Variants in PABIR1 observed in about 807,000 individuals in gnomAD.
The protein encoded by PABIR1 is PP2A Aalpha (PPP2R1A) and B55A (PPP2R2A) interacting phosphatase regulator 1.
In PABIR1, 2 loss-of-function variants were observed where a neutral mutation model predicts 14.6. The ratio of observed to expected loss-of-function variants is 0.14; its 90% confidence interval spans 0.06 to 0.43. The LOEUF is 0.43. Among genes scored for constraint, PABIR1 ranks in the 20% least tolerant of loss-of-function variants. The probability of loss-of-function intolerance (pLI) is 0.99; values close to 1 mark genes in which losing one functional copy is unlikely to be tolerated. For synonymous variants in PABIR1, 163 were observed against 155.4 expected (o/e 1.05, Z -0.36); for missense variants, 294 against 379.0 (o/e 0.78, Z 1.86).
In PABIR1 at chr9:68,780,147, C is replaced by G; in HGVS notation, c.-18C>G. The G allele has an allele frequency of 2.0e-6, 3 of 1,509,032 alleles. No individual in the cohort carries two copies. Among genetic ancestry groups the G allele is most frequent in the Non-Finnish European group, 2.6e-6 (3 of 1,132,700 alleles). The allele number at this position is 1,509,032 out of a possible 1,614,324, so 93.5% of individuals were successfully genotyped here. On this transcript the variant is annotated 5_prime_UTR_variant, in exon 1 of 1. Transcript: ENST00000394264. Reference sequence around the variant, plus strand: ...TAGGTCCCTGACTGAGCACCTCCCCCGCCTCCCTGCCCCCGACATGGCTCA... The same window carrying G: ...TAGGTCCCTGACTGAGCACCTCCCCGGCCTCCCTGCCCCCGACATGGCTCA...
rs1335855879 is a variant in PABIR1, at chr9:68,780,844, C to T, written c.680C>T (p.Ser227Phe). 1 of 1,614,242 alleles carries T rather than the reference C, an allele frequency of 6.2e-7. No individual in the cohort carries two copies. The highest frequency in any genetic ancestry group is 2.2e-5 in the East Asian group (1 of 44,894). The change falls in exon 1 of 1, where the codon TCT (serine) becomes TTT (phenylalanine). Residue 227 changes from serine (S) to phenylalanine (F), a missense_variant. By Grantham distance (155) the Ser-to-Phe change is radical. This residue lies in a region of PABIR1 where 95 missense variants were observed against 100.8 expected (regional missense o/e 0.94). Transcript: ENST00000394264. ...FFQGITNMLS[S>F]DVAQLSDPGV... ...CAGGGCATCACCAACATGCTTTCTT[C>T]TGACGTTGCACAGCTGTCAGATCCT...
chr9:68,781,562 T>G lies in PABIR1; in HGVS notation c.*534T>G. 1 of 167,178 alleles carries G rather than the reference T, an allele frequency of 6.0e-6. No individual in the cohort carries two copies. The allele number at this position is 167,178 out of a possible 1,614,324, so 10.4% of individuals were successfully genotyped here. The stretch of plus-strand genomic sequence containing the variant: ...CCCAGGAATTCTTGGATATTTAGTT[T>G]TCTGGGTACTGAAGTGGATGGGAGG... On this transcript the variant is annotated 3_prime_UTR_variant, in exon 1 of 1. Transcript: ENST00000394264.
At position 68,782,376 on chromosome 9, in the gene PABIR1, C is replaced by T. The variant is rs1831340151; in HGVS notation, c.*1348C>T. On this transcript the variant is annotated 3_prime_UTR_variant, in exon 1 of 1. Coordinates refer to ENST00000394264, the MANE Select transcript of PABIR1 (RefSeq NM_138333.5). Reference sequence around the variant, plus strand: ...AATAGTCGAATGTTCTTTTCTTTACCTTTACAATTAAGACAAAATGTTTAA... The same window carrying T: ...AATAGTCGAATGTTCTTTTCTTTACTTTTACAATTAAGACAAAATGTTTAA... 6.0e-6 allele frequency: 1 copy of T among 166,926 alleles called. No individual in the cohort carries two copies. The highest frequency in any genetic ancestry group is 1.5e-5 in the Non-Finnish European group (1 of 68,098). 10.3% of individuals were successfully genotyped at this position (166,926 alleles called of 1,614,324 possible). A position where few individuals can be genotyped will look rare whatever the true frequency, so the allele number is the denominator to read the frequency against.
At position 68,780,737 on chromosome 9, in the gene PABIR1, C is replaced by T. The variant is rs1485824220; in HGVS notation, c.573C>T (p.Ile191=). 1 of 1,614,224 alleles carries T rather than the reference C, an allele frequency of 6.2e-7. No homozygotes were observed. Among genetic ancestry groups the T allele is most frequent in the Non-Finnish European group, 8.5e-7 (1 of 1,180,044 alleles). ...CCACCCGGAGAAGCCAGAGCCCCAT[C>T]AATTGCATTAGACCAAGTGTTCTTG... ...RFTTRRSQSP[I]NCIRPSVLGP... The change falls in exon 1 of 1, where the codon ATC becomes ATT. Residue 191 remains isoleucine, a synonymous_variant. Coordinates refer to ENST00000394264, the MANE Select transcript of PABIR1 (RefSeq NM_138333.5).
chr9:68,780,078 C>T lies in PABIR1; in HGVS notation c.-87C>T, dbSNP rs910543563. On this transcript the variant is annotated 5_prime_UTR_variant, in exon 1 of 1. Transcript: ENST00000394264. The stretch of plus-strand genomic sequence containing the variant: ...CAGCCCGCTGACAGATTCTCGGTGG[C>T]GGCGGCAGCGGCGGCGGCCCTGGAC... The T allele has an allele frequency of 9.8e-5, 135 of 1,372,766 alleles. No homozygotes were observed. The highest frequency in any genetic ancestry group is 4.1e-4 in the South Asian group (22 of 53,448). 85.0% of individuals were successfully genotyped at this position (1,372,766 alleles called of 1,614,324 possible). A position where few individuals can be genotyped will look rare whatever the true frequency, so the allele number is the denominator to read the frequency against.
rs1212236192 is a variant in PABIR1, at chr9:68,780,355, C to T, written c.191C>T (p.Thr64Met). Reference protein sequence around the residue: ...EAPSARRNSTTFPSRHGLLLP... With the variant: ...EAPSARRNSTMFPSRHGLLLP... Reference sequence around the variant, plus strand: ...CCGAGCGCCAGGCGGAACAGCACAACGTTCCCGAGCCGCCACGGCCTGCTG... The same window carrying T: ...CCGAGCGCCAGGCGGAACAGCACAATGTTCCCGAGCCGCCACGGCCTGCTG... Residue 64 changes from threonine (T) to methionine (M), a missense_variant, in exon 1 of 1, where the codon ACG (threonine) becomes ATG (methionine). Thr to Met is a moderately conservative substitution (Grantham distance 81). Transcript: ENST00000394264. 7 of 1,611,856 alleles carry T rather than the reference C, an allele frequency of 4.3e-6. No homozygotes were observed. In the Admixed American group the frequency reaches 5.0e-5, roughly 12 times the overall value.
rs1475209075 is a variant in PABIR1 at position 68,781,170 on chromosome 9, T to C, written c.*142T>C. 2.7e-6 allele frequency: 3 copies of C among 1,125,574 alleles called. No homozygotes were observed. The highest frequency in any genetic ancestry group is 3.8e-6 in the Non-Finnish European group (3 of 787,144). The allele number at this position is 1,125,574 out of a possible 1,614,324, so 69.7% of individuals were successfully genotyped here. On this transcript the variant is annotated 3_prime_UTR_variant, in exon 1 of 1. Coordinates refer to ENST00000394264, the MANE Select transcript of PABIR1 (RefSeq NM_138333.5). ...TTGAAATTCCCTGAAATGATGTTAT[T>C]CTAGAGAACTTCTATGTCAGGTTCC...
chr9:68,780,888 G>A lies in PABIR1; in HGVS notation c.724G>A (p.Asp242Asn), dbSNP rs772104723. The A allele has an allele frequency of 6.2e-7, 1 of 1,614,180 alleles. No homozygotes were observed. The highest frequency in any genetic ancestry group is 8.5e-7 in the Non-Finnish European group (1 of 1,180,036). The change falls in exon 1 of 1, where the codon GAT (aspartate) becomes AAT (asparagine). Residue 242 changes from aspartate (D) to asparagine (N), a missense_variant. Around this residue, in one of 3 missense-constraint regions of PABIR1, gnomAD observed 95 missense variants for 100.8 expected, o/e 0.94. Coordinates refer to ENST00000394264, the MANE Select transcript of PABIR1 (RefSeq NM_138333.5). ...LSDPGVCVSSDTLDGNSSSAG... is the reference protein window; with the variant it reads ...LSDPGVCVSSNTLDGNSSSAG... ...AGATCCTGGTGTGTGTGTATCTTCGGATACCCTTGATGGAAACAGCAGCAG... is the reference window on the plus strand; with the variant it reads ...AGATCCTGGTGTGTGTGTATCTTCGAATACCCTTGATGGAAACAGCAGCAG...
At position 68,782,983 on chromosome 9, in the gene PABIR1, A is replaced by G. The variant is rs1289302032; in HGVS notation, c.*1955A>G. The G allele has an allele frequency of 6.0e-6, 1 of 166,850 alleles. No homozygotes were observed. The highest frequency in any genetic ancestry group is 1.5e-5 in the Non-Finnish European group (1 of 68,076). 10.3% of individuals were successfully genotyped at this position (166,850 alleles called of 1,614,324 possible). On this transcript the variant is annotated 3_prime_UTR_variant, in exon 1 of 1. Coordinates refer to ENST00000394264, the MANE Select transcript of PABIR1 (RefSeq NM_138333.5). Reference sequence around the variant, plus strand: ...CTGTCAACTTCTGAAATGAATCTCAAATTTCTTCCCTTCTCTATCTGTTGC... The same window carrying G: ...CTGTCAACTTCTGAAATGAATCTCAGATTTCTTCCCTTCTCTATCTGTTGC...
At position 68,780,372 on chromosome 9, in the gene PABIR1, G is replaced by A. The variant is rs758271798; in HGVS notation, c.208G>A (p.Gly70Ser). The A allele has an allele frequency of 6.2e-7, 1 of 1,613,224 alleles. No individual in the cohort carries two copies. The highest frequency in any genetic ancestry group is 8.5e-7 in the Non-Finnish European group (1 of 1,179,826). ...CAGCACAACGTTCCCGAGCCGCCAC[G>A]GCCTGCTGCTGCCGGCCTCCCCTGT... ...RNSTTFPSRHGLLLPASPVRM... is the reference protein window; with the variant it reads ...RNSTTFPSRHSLLLPASPVRM... The change falls in exon 1 of 1, where the codon GGC (glycine) becomes AGC (serine). Residue 70 changes from glycine to serine, a missense_variant. Coordinates refer to ENST00000394264, the MANE Select transcript of PABIR1 (RefSeq NM_138333.5).
Position 68,781,057 on chromosome 9 carries a change from A to C in PABIR1, c.*29A>C. 1 of 1,588,152 alleles carries C rather than the reference A, an allele frequency of 6.3e-7. No homozygotes were observed. The highest frequency in any genetic ancestry group is 8.6e-7 in the Non-Finnish European group (1 of 1,165,550). On this transcript the variant is annotated 3_prime_UTR_variant, in exon 1 of 1. Transcript: ENST00000394264. ...ACTCATCCTGAGACTTTCTTTTTGC[A>C]GTGGAGAGAGAGAATAATCTAGTTG...
chr9:68,780,792 A>G lies in PABIR1; in HGVS notation c.628A>G (p.Thr210Ala). ...ATTGAAAAGAAAATGTGAAATGGAA[A>G]CTGAATATCAGCCAAAGAGATTTTT... ...GPLKRKCEME[T>A]EYQPKRFFQG... The change falls in exon 1 of 1, where the codon ACT becomes GCT. Residue 210 changes from threonine to alanine, a missense_variant. Around this residue, in one of 3 missense-constraint regions of PABIR1, gnomAD observed 95 missense variants for 100.8 expected, o/e 0.94. Transcript: ENST00000394264. The G allele has an allele frequency of 1.2e-6, 2 of 1,614,248 alleles. No individual in the cohort carries two copies. The highest frequency in any genetic ancestry group is 1.7e-5 in the Admixed American group (1 of 60,032).
rs1417786750 is a variant in PABIR1, at chr9:68,780,352, C to A, written c.188C>A (p.Thr63Lys). 1 of 1,611,860 alleles carries A rather than the reference C, an allele frequency of 6.2e-7. No homozygotes were observed. ...AEAPSARRNS[T>K]TFPSRHGLLL... ...GCGCCGAGCGCCAGGCGGAACAGCACAACGTTCCCGAGCCGCCACGGCCTG... is the reference window on the plus strand; with the variant it reads ...GCGCCGAGCGCCAGGCGGAACAGCAAAACGTTCCCGAGCCGCCACGGCCTG... Residue 63 changes from threonine (T) to lysine (K), a missense_variant, in exon 1 of 1, where the codon ACA becomes AAA. Transcript: ENST00000394264.
chr9:68,783,609 A>G lies in PABIR1; in HGVS notation c.*2581A>G, dbSNP rs1027417323. ...TATAAATGCAGGAAACCAACATGTC[A>G]TTGACACCTCTCTTCTTTACTTTTC... On this transcript the variant is annotated 3_prime_UTR_variant, in exon 1 of 1. Coordinates refer to ENST00000394264, the MANE Select transcript of PABIR1 (RefSeq NM_138333.5). The G allele has an allele frequency of 6.0e-6, 1 of 166,964 alleles. No homozygotes were observed. The highest frequency in any genetic ancestry group is 1.5e-5 in the Non-Finnish European group (1 of 68,132). The allele number at this position is 166,964 out of a possible 1,614,324, so 10.3% of individuals were successfully genotyped here. A position where few individuals can be genotyped will look rare whatever the true frequency, so the allele number is the denominator to read the frequency against.
At position 68,780,678 on chromosome 9, in the gene PABIR1, C is replaced by G; in HGVS notation, c.514C>G (p.Pro172Ala). Reference sequence around the variant, plus strand: ...TTTTGTAAGTAGCAACGGATTGCCTCCAAGCCCTATTCCCAGCCCAACGAC... The same window carrying G: ...TTTTGTAAGTAGCAACGGATTGCCTGCAAGCCCTATTCCCAGCCCAACGAC... ...QSFVSSNGLP[P>A]SPIPSPTTRF... Residue 172 changes from proline (P) to alanine (A), a missense_variant, in exon 1 of 1, where the codon CCA (proline) becomes GCA (alanine). This residue lies in a region of PABIR1 where 103 missense variants were observed against 175.9 expected (regional missense o/e 0.59). Transcript: ENST00000394264. 6.2e-7 allele frequency: 1 copy of G among 1,614,212 alleles called. No homozygotes were observed. Among genetic ancestry groups the G allele is most frequent in the Non-Finnish European group, 8.5e-7 (1 of 1,180,040 alleles).
At position 68,780,872 on chromosome 9, in the gene PABIR1, T is replaced by C. The variant is rs1831226133; in HGVS notation, c.708T>C (p.Gly236=). ...SSDVAQLSDP[G]VCVSSDTLDG... ...ACGTTGCACAGCTGTCAGATCCTGGTGTGTGTGTATCTTCGGATACCCTTG... is the reference window on the plus strand; with the variant it reads ...ACGTTGCACAGCTGTCAGATCCTGGCGTGTGTGTATCTTCGGATACCCTTG... The change falls in exon 1 of 1, where the codon GGT becomes GGC. Residue 236 remains glycine (G), a synonymous_variant. Coordinates refer to ENST00000394264, the MANE Select transcript of PABIR1 (RefSeq NM_138333.5). 2 of 1,614,098 alleles carry C rather than the reference T, an allele frequency of 1.2e-6. No individual in the cohort carries two copies. Among genetic ancestry groups the C allele is most frequent in the Non-Finnish European group, 1.7e-6 (2 of 1,180,040 alleles).
chr9:68,780,512 C>T lies in PABIR1; in HGVS notation c.348C>T (p.Ser116=). ...AGACCGCAATGCAGATAAGCCACTC[C>T]TGGGAGGAAAGTTTCAGCCTGAGTG... ...EVQTAMQISH[S]WEESFSLSDN... Residue 116 remains serine, a synonymous_variant, in exon 1 of 1, where the codon TCC becomes TCT. Transcript: ENST00000394264. The T allele has an allele frequency of 6.2e-7, 1 of 1,614,236 alleles. No homozygotes were observed. Among genetic ancestry groups the T allele is most frequent in the Non-Finnish European group, 8.5e-7 (1 of 1,180,046 alleles).
rs1831433619 is a variant in PABIR1, at chr9:68,783,629, C to A, written c.*2601C>A. ...ATGTCATTGACACCTCTCTTCTTTACTTTTCCCCATATCTAATCATTCCTC... is the reference window on the plus strand; with the variant it reads ...ATGTCATTGACACCTCTCTTCTTTAATTTTCCCCATATCTAATCATTCCTC... On this transcript the variant is annotated 3_prime_UTR_variant, in exon 1 of 1. Coordinates refer to ENST00000394264, the MANE Select transcript of PABIR1 (RefSeq NM_138333.5). 6.0e-6 allele frequency: 1 copy of A among 166,960 alleles called. No homozygotes were observed. Among genetic ancestry groups the A allele is most frequent in the Admixed American group, 6.5e-5 (1 of 15,278 alleles). The allele number at this position is 166,960 out of a possible 1,614,324, so 10.3% of individuals were successfully genotyped here. A position where few individuals can be genotyped will look rare whatever the true frequency, so the allele number is the denominator to read the frequency against.
rs776497650 is a variant in PABIR1 at position 68,780,911 on chromosome 9, C to T, written c.747C>T (p.Ser249=). The change falls in exon 1 of 1, where the codon AGC becomes AGT. Residue 249 remains serine, a synonymous_variant. Coordinates refer to ENST00000394264, the MANE Select transcript of PABIR1 (RefSeq NM_138333.5). ...VSSDTLDGNS[S]SAGSSCNSPA... The stretch of plus-strand genomic sequence containing the variant: ...CGGATACCCTTGATGGAAACAGCAG[C>T]AGTGCCGGATCTTCTTGTAACTCAC... The T allele has an allele frequency of 6.2e-7, 1 of 1,614,262 alleles. No homozygotes were observed. Among genetic ancestry groups the T allele is most frequent in the South Asian group, 1.1e-5 (1 of 91,090 alleles).
Sources: gnomAD v4.1 joint callset for allele counts on GRCh38, gnomAD v4.1.1 for gene constraint, gnomAD v4.1.1 regional missense constraint, MANE v1.5 for transcripts, NCBI Gene and HGNC (gene_info 2026-07-23, HGNC 2026-07-21) for gene names.